Variants in ZBTB20 observed in about 807,000 individuals in gnomAD.
ZBTB20 encodes the protein zinc finger and BTB domain containing 20.
A neutral mutation model predicts 56.9 loss-of-function variants in ZBTB20; 9 were observed. That is an observed-to-expected ratio of 0.16 (90% CI 0.10 to 0.28). ZBTB20 has a LOEUF of 0.28. Ranked by LOEUF, ZBTB20 falls within the 10% of genes least tolerant of loss-of-function variation. ZBTB20 has a pLI of 1.00. For synonymous variants in ZBTB20, 417 were observed against 420.7 expected (o/e 0.99, Z 0.11); for missense variants, 655 against 1,003.0 (o/e 0.65, Z 4.69).
intron 2 of ZBTB20, among the ~76,000 whole-genome samples, chr3:114,999,644 T>C (rs547578461): frequency 2.6e-5 from 4 of 151,770 alleles, no homozygotes; most frequent in Admixed American, 1.3e-4. Flanking sequence ...TTGAAAACAG[T>C]GCTATATATT....
chr3:115,088,737 C>T (rs1023895205), intron 1 of ZBTB20, among the ~76,000 whole-genome samples: 4 of 151,672 alleles, frequency 2.6e-5, no homozygotes, highest in Non-Finnish European at 3.0e-5. Context: ...ATCAGGAATG[C>T]TCAAGAGTCA....
chr3:115,019,146 A>G (rs546902475), intron 2 of ZBTB20, among the ~76,000 whole-genome samples: 44 of 151,504 alleles, frequency 2.9e-4, no homozygotes, highest in Non-Finnish European at 2.8e-4. Flanking sequence ...AAAAGAAAAA[A>G]TCTAATTTTT....
chr3:114,562,250 C>T (rs1460858153), intron 6 of ZBTB20, among the ~76,000 whole-genome samples: 6 of 151,642 alleles, frequency 4.0e-5, no homozygotes, highest in East Asian at 1.9e-4. Context: ...CTGCAACCTC[C>T]GCCTCCCAGG....
chr3:114,888,722 A>G (rs965588357), intron 4 of ZBTB20, among the ~76,000 whole-genome samples: 1 of 152,166 alleles, frequency 6.6e-6, no homozygotes, highest in African/African-American at 2.4e-5. Flanking sequence ...GGCTTGAGGC[A>G]TCAGATCAGC....
intron 7 of ZBTB20, among the ~76,000 whole-genome samples, chr3:114,432,566 T>C (rs755684486): frequency 2.6e-5 from 4 of 152,226 alleles, no homozygotes; most frequent in Admixed American, 2.0e-4. Context: ...TGTCCCTGCA[T>C]TCGGCAACCT....
chr3:114,649,404 T>C (rs1008562141), intron 6 of ZBTB20, among the ~76,000 whole-genome samples: 15 of 152,004 alleles, frequency 9.9e-5, no homozygotes, highest in Non-Finnish European at 1.9e-4. Flanking sequence ...TCTGGGCTCA[T>C]TTAATAAAAG....
chr3:114,407,425 A>G, intron 7 of ZBTB20, among the ~76,000 whole-genome samples: 1 of 152,210 alleles, frequency 6.6e-6, no homozygotes, highest in East Asian at 1.9e-4. Context: ...AGGGTTGTCC[A>G]GAAATCCATT....
At chr3:114,544,409 CT>C (rs71993681) in intron 6 of ZBTB20, among the ~76,000 whole-genome samples, 2 of 5,124 alleles carry the variant, frequency 3.9e-4, no homozygotes, top group East Asian at 0.019. Context: ...TAGATTTCTT[CT>C]TTCTTTCTTT....
chr3:114,897,181 C>T (rs926046663), intron 4 of ZBTB20, among the ~76,000 whole-genome samples: 9 of 152,072 alleles, frequency 5.9e-5, no homozygotes, highest in Admixed American at 5.2e-4. Flanking sequence ...GGAACAGAAA[C>T]ATTAGGTAAC....
chr3:114,879,853 C>T (rs1464977182), intron 4 of ZBTB20, among the ~76,000 whole-genome samples: 2 of 152,126 alleles, frequency 1.3e-5, no homozygotes, highest in Non-Finnish European at 2.9e-5. Context: ...GATCCACCTC[C>T]CCAATGCATG....
chr3:114,865,409 G>A (rs2075725580), intron 4 of ZBTB20, among the ~76,000 whole-genome samples: 1 of 152,104 alleles, frequency 6.6e-6, no homozygotes, highest in Admixed American at 6.6e-5. Context: ...ACTAGAGAAA[G>A]AAATATTTGG....
At chr3:115,050,483 G>A (rs911004355) in intron 2 of ZBTB20, among the ~76,000 whole-genome samples, 5 of 151,872 alleles carry the variant, frequency 3.3e-5, no homozygotes, top group African/African-American at 9.6e-5. Context: ...CTTCATCTTA[G>A]AAATCAAAAC....
intron 7 of ZBTB20, among the ~76,000 whole-genome samples, chr3:114,469,403 C>T (rs1214008436): frequency 6.6e-6 from 1 of 152,092 alleles, no homozygotes; most frequent in Non-Finnish European, 1.5e-5. Context: ...CACAAAGAAA[C>T]ATGCTTTAAT....
chr3:114,904,033 C>G (rs2075228875), intron 3 of ZBTB20, among the ~76,000 whole-genome samples: 1 of 152,032 alleles, frequency 6.6e-6, no homozygotes, highest in Non-Finnish European at 1.5e-5. Context: ...GATTCCCACA[C>G]AGTTCATGTA....
At chr3:115,025,562 T>C (rs2080389583) in intron 2 of ZBTB20, among the ~76,000 whole-genome samples, 1 of 150,938 alleles carries the variant, frequency 6.6e-6, no homozygotes, top group African/African-American at 2.4e-5. Flanking sequence ...TAATAAGAAA[T>C]ATTTACATAT....
At chr3:115,056,271 G>A (rs138913490) in intron 2 of ZBTB20, among the ~76,000 whole-genome samples, 10 of 152,174 alleles carry the variant, frequency 6.6e-5, no homozygotes, top group Non-Finnish European at 1.5e-4. Context: ...AAAAAGTCAT[G>A]GGTATCACTT....
At chr3:114,437,905 T>A (rs1428589954) in intron 7 of ZBTB20, among the ~76,000 whole-genome samples, 3 of 152,058 alleles carry the variant, frequency 2.0e-5, no homozygotes, top group African/African-American at 7.2e-5. Context: ...AAACTGTCAG[T>A]GTGGACAGGC....
intron 2 of ZBTB20, among the ~76,000 whole-genome samples, chr3:115,033,076 T>C (rs2080767868): frequency 6.6e-6 from 1 of 151,100 alleles, no homozygotes; most frequent in Admixed American, 6.6e-5. Context: ...AAACCAAAAG[T>C]TGGTTCTTCA....
chr3:115,044,362 A>T (rs186922132), intron 2 of ZBTB20, among the ~76,000 whole-genome samples: 1 of 152,204 alleles, frequency 6.6e-6, no homozygotes, highest in Non-Finnish European at 1.5e-5. Flanking sequence ...TTACAGATAC[A>T]TTCATTTTAT....
Sources: gnomAD v4.1 joint callset for allele counts (sites outside exome capture counted in the v4.1 genomes callset) on GRCh38, gnomAD v4.1.1 for gene constraint, MANE v1.5 for transcripts, NCBI Gene and HGNC (gene_info 2026-07-23, HGNC 2026-07-21) for gene names.